The following CYBRD1 variants were observed in gnomAD, a reference collection of about 807,000 sequenced individuals.
CYBRD1 encodes the protein cytochrome b reductase 1, also known as plasma membrane ascorbate-dependent reductase CYBRD1.
A neutral mutation model predicts 21.9 loss-of-function variants in CYBRD1; 14 were observed. That is an observed-to-expected ratio of 0.64 (90% CI 0.42 to 1.00). The LOEUF (loss-of-function observed/expected upper bound fraction) is 1.00. CYBRD1 is among the 50% of genes least tolerant of loss of function. CYBRD1 has a pLI of 0.00. For missense variants in CYBRD1, 328 were observed against 352.5 expected, an observed-to-expected ratio of 0.93 and a Z score of 0.56; for synonymous variants, 146 against 136.5, an observed-to-expected ratio of 1.07 and a Z score of -0.48.
At chr2:171,547,385 G>C (rs1697732002) in intron 2 of CYBRD1, among the ~76,000 whole-genome samples, 1 of 151,838 alleles carries the variant, frequency 6.6e-6, no homozygotes, top group Non-Finnish European at 1.5e-5. Context: ...AGGAGACAGA[G>C]AGGGTGACAA....
intron 1 of CYBRD1, among the ~76,000 whole-genome samples, chr2:171,538,003 A>G (rs897071100): frequency 2.0e-5 from 3 of 152,188 alleles, no homozygotes; most frequent in Non-Finnish European, 4.4e-5. Flanking sequence ...TAGGCCAGGC[A>G]CAGTGGCTCA....
At chr2:171,550,457 T>A (rs552025720) in intron 2 of CYBRD1, among the ~76,000 whole-genome samples, 57 of 152,282 alleles carry the variant, frequency 3.7e-4, no homozygotes, top group African/African-American at 1.2e-3. Context: ...AAAGGTCTTA[T>A]AATTTTCGGT....
At chr2:171,533,891 A>AT (rs564025656) in intron 1 of CYBRD1, among the ~76,000 whole-genome samples, 283 of 151,430 alleles carry the variant, frequency 1.9e-3, no homozygotes, top group African/African-American at 6.5e-3. Flanking sequence ...TTTTTTATAG[A>AT]GACAGGGTTT....
intron 1 of CYBRD1, among the ~76,000 whole-genome samples, chr2:171,526,258 T>C (rs987290818): frequency 2.6e-5 from 4 of 151,320 alleles, no homozygotes; most frequent in African/African-American, 9.8e-5. Flanking sequence ...CAGAGTGAGA[T>C]TCTGTCTCGA....
chr2:171,540,338 A>G (rs1173262262), intron 1 of CYBRD1, among the ~76,000 whole-genome samples: 4 of 152,156 alleles, frequency 2.6e-5, no homozygotes, highest in African/African-American at 9.7e-5. Context: ...GTCTAGTTCT[A>G]GTTGTAGATC....
intron 2 of CYBRD1, among the ~76,000 whole-genome samples, chr2:171,551,454 ATTAC>A (rs761561752): frequency 4.6e-5 from 7 of 152,326 alleles, no homozygotes; most frequent in Non-Finnish European, 7.3e-5. Flanking sequence ...TGCATTTGTT[ATTAC>A]TTTTTAAATA....
At chr2:171,552,421 C>T (rs1326189562) in intron 2 of CYBRD1, among the ~76,000 whole-genome samples, 3 of 152,154 alleles carry the variant, frequency 2.0e-5, no homozygotes, top group Non-Finnish European at 4.4e-5. Context: ...CCTCCCCCTG[C>T]CTCCCTTCTT....
intron 1 of CYBRD1, among the ~76,000 whole-genome samples, chr2:171,538,482 T>C (rs1048828390): frequency 6.6e-6 from 1 of 152,186 alleles, no homozygotes; most frequent in Admixed American, 6.5e-5. Context: ...TCCTTGAATA[T>C]AGAAATGATT....
chr2:171,525,889 G>T (rs1317102191), intron 1 of CYBRD1, among the ~76,000 whole-genome samples: 2 of 150,616 alleles, frequency 1.3e-5, no homozygotes, highest in East Asian at 3.9e-4. Flanking sequence ...GGAGGTTGCG[G>T]TGAGTCGAGA....
At chr2:171,541,487 G>C (rs1248254937) in intron 1 of CYBRD1, 98 bp from the exon 2 acceptor site, 4 of 1,195,624 alleles carry the variant, frequency 3.3e-6, no homozygotes, top group Non-Finnish European at 4.9e-6. Flanking sequence ...AAGGGAAAAA[G>C]GTTTCAAAAA....
chr2:171,547,055 C>A (rs751904843), intron 2 of CYBRD1, among the ~76,000 whole-genome samples: 1 of 151,982 alleles, frequency 6.6e-6, no homozygotes, highest in Non-Finnish European at 1.5e-5. Flanking sequence ...AGAATTAATG[C>A]GTGATGTAAA....
intron 2 of CYBRD1, among the ~76,000 whole-genome samples, chr2:171,544,895 T>C (rs766315440): frequency 2.0e-5 from 3 of 152,068 alleles, no homozygotes; most frequent in Non-Finnish European, 4.4e-5. Context: ...TTCCAGCACT[T>C]TGGGATGCCT....
intron 1 of CYBRD1, among the ~76,000 whole-genome samples, chr2:171,533,540 C>G (rs1166271525): frequency 6.6e-6 from 1 of 152,018 alleles, no homozygotes; most frequent in Non-Finnish European, 1.5e-5. Flanking sequence ...GGACATTTCT[C>G]TCCCTCTAAG....
At position 171,555,656 on chromosome 2, in the gene CYBRD1, G is replaced by A. The variant is rs1683472900; in HGVS notation, c.*829G>A. 1 of 152,236 alleles carries A rather than the reference G, an allele frequency of 6.6e-6. No homozygotes were observed. The highest frequency in any genetic ancestry group is 2.4e-5 in the African/African-American group (1 of 41,436). The allele number at this position is 152,236 out of a possible 1,614,324, so 9.4% of individuals were successfully genotyped here. ...CAAGTTCTTGTTTTTATTTTTGAAAGTACTCACACAGCACTTACTATGCTC... is the reference window on the plus strand; with the variant it reads ...CAAGTTCTTGTTTTTATTTTTGAAAATACTCACACAGCACTTACTATGCTC... On this transcript the variant is annotated 3_prime_UTR_variant, in exon 4 of 4. Transcript: ENST00000321348.
At chr2:171,532,875 A>ATGTGTGTGTG (rs10618404) in intron 1 of CYBRD1, among the ~76,000 whole-genome samples, 223 of 147,398 alleles carry the variant, frequency 1.5e-3, no homozygotes, top group East Asian at 0.014. Flanking sequence ...CCATTTCACG[A>ATGTGTGTGTG]TGTGTGTGTG....
Position 171,557,646 on chromosome 2 carries a change from A to T in CYBRD1, c.*2819A>T, listed in dbSNP as rs1239661319. 6.6e-6 allele frequency: 1 copy of T among 152,194 alleles called. No homozygotes were observed. Among genetic ancestry groups the T allele is most frequent in the Non-Finnish European group, 1.5e-5 (1 of 68,038 alleles). 9.4% of individuals were successfully genotyped at this position (152,194 alleles called of 1,614,324 possible). On this transcript the variant is annotated 3_prime_UTR_variant, in exon 4 of 4. Coordinates refer to ENST00000321348, the MANE Select transcript of CYBRD1 (RefSeq NM_024843.4). ...AACAACATCTCAGACTTTACAAAGA[A>T]ATGACAAAGAAGGCAATTGCACTTT...
chr2:171,537,877 G>A (rs1481058822), intron 1 of CYBRD1, among the ~76,000 whole-genome samples: 1 of 152,172 alleles, frequency 6.6e-6, no homozygotes, highest in Non-Finnish European at 1.5e-5. Context: ...AAAGAAAAGA[G>A]TTTGAGGTGA....
chr2:171,547,093 T>C (rs1228980023), intron 2 of CYBRD1, among the ~76,000 whole-genome samples: 5 of 152,142 alleles, frequency 3.3e-5, no homozygotes. Context: ...TCACAGGCTT[T>C]ATTGAGCAGG....
At position 171,554,609 on chromosome 2, in the gene CYBRD1, AT is replaced by A; in HGVS notation, c.649del (p.Trp217GlyfsTer2). On this transcript the variant is annotated frameshift_variant, in exon 4 of 4. Transcript: ENST00000321348. LOFTEE classifies it low-confidence loss of function (END_TRUNC). ...TCTGATCCTGGTGTTCGGGGCCCTC[AT>A]TTTTTGGATAGTCACCAGACCGCAA... ...GLLILVFGAL[I>X]FWIVTRPQWK... is the part of the protein sequence containing the mutation. The A allele has an allele frequency of 6.2e-7, 1 of 1,613,934 alleles. No individual in the cohort carries two copies. Among genetic ancestry groups the A allele is most frequent in the Non-Finnish European group, 8.5e-7 (1 of 1,179,942 alleles).
Sources: gnomAD v4.1 joint callset for allele counts (sites outside exome capture counted in the v4.1 genomes callset) on GRCh38, gnomAD v4.1.1 for gene constraint, MANE v1.5 for transcripts, NCBI Gene and HGNC (gene_info 2026-07-23, HGNC 2026-07-21) for gene names.